The following ADAM12 variants were observed in gnomAD, a reference collection of about 807,000 sequenced individuals.
ADAM12 encodes disintegrin and metalloproteinase domain-containing protein 12.
In ADAM12, 70 loss-of-function variants were observed where a neutral mutation model predicts 106.4. The observed-to-expected ratio is 0.66, with a 90% confidence interval of 0.54 to 0.80. ADAM12 has a LOEUF of 0.80. Among genes scored for constraint, ADAM12 ranks in the 30% least tolerant of loss-of-function variants. The pLI is 0.00. For missense variants in ADAM12, 1,010 were observed against 1,171.9 expected (o/e 0.86, Z 2.02); for synonymous variants, 420 against 433.5 (o/e 0.97, Z 0.39).
At chr10:126,099,803 C>T (rs1437628655) in intron 9 of ADAM12, among the ~76,000 whole-genome samples, 1 of 152,174 alleles carries the variant, frequency 6.6e-6, no homozygotes, top group Non-Finnish European at 1.5e-5. Flanking sequence ...TAACTTTCCA[C>T]AAATGTTCAA....
chr10:126,286,565 G>A (rs1353652010), intron 2 of ADAM12, among the ~76,000 whole-genome samples: 2 of 152,170 alleles, frequency 1.3e-5, no homozygotes, highest in Non-Finnish European at 2.9e-5. Flanking sequence ...GGGGCACGAG[G>A]GAGTCATTTA....
intron 4 of ADAM12, among the ~76,000 whole-genome samples, chr10:126,154,714 C>G (rs1167792604): frequency 6.6e-6 from 1 of 152,162 alleles, no homozygotes; most frequent in East Asian, 1.9e-4. Context: ...GTCCAGGACA[C>G]AGCTAAAAGT....
rs140998903 is a variant in ADAM12, at chr10:126,280,991, T to G, written c.187-2003A>C. On this transcript the variant is annotated intron_variant, in intron 2 of 22. Coordinates refer to ENST00000448723, the MANE Select transcript of ADAM12 (RefSeq NM_001288973.2). ...CACCATTTCTTTGTAGTGTAGTGTG[T>G]CAAAGTGTTCTTATGCCCTTACAGG... Among the ~76,000 whole-genome samples the G allele has an allele frequency of 4.9e-3, 743 of 152,298 alleles. 4 individuals carry two copies. Among genetic ancestry groups the G allele is most frequent in the South Asian group, 0.016 (75 of 4,820 alleles).
intron 3 of ADAM12, among the ~76,000 whole-genome samples, chr10:126,184,013 T>C (rs906835442): frequency 5.3e-5 from 8 of 152,242 alleles, no homozygotes; most frequent in Admixed American, 3.9e-4. Flanking sequence ...CTTGATTTTC[T>C]TCAAAAAAGT....
intron 12 of ADAM12, among the ~76,000 whole-genome samples, chr10:126,069,949 C>T (rs926279370): frequency 6.6e-6 from 1 of 151,974 alleles, no homozygotes; most frequent in African/African-American, 2.4e-5. Flanking sequence ...TGACTGCTAA[C>T]GAAATCATTC....
At chr10:126,241,120 AG>A (rs1332345343) in intron 3 of ADAM12, among the ~76,000 whole-genome samples, 3 of 152,236 alleles carry the variant, frequency 2.0e-5, no homozygotes, top group Non-Finnish European at 4.4e-5. Flanking sequence ...AGCTGACACA[AG>A]GGGACATGTA....
At chr10:126,247,285 A>G (rs1364352071) in intron 3 of ADAM12, among the ~76,000 whole-genome samples, 1 of 152,220 alleles carries the variant, frequency 6.6e-6, no homozygotes, top group Non-Finnish European at 1.5e-5. Flanking sequence ...AGAGTCTGAA[A>G]ATATCACTGC....
At position 126,316,268 on chromosome 10, in the gene ADAM12, T is replaced by G. The variant is rs150219584; in HGVS notation, c.186+14144A>C. Among the ~76,000 whole-genome samples, 1,073 of 152,312 alleles carry G rather than the reference T, an allele frequency of 7.0e-3. 15 individuals are homozygous for G. Among genetic ancestry groups the G allele is most frequent in the African/African-American group, 0.024 (1,010 of 41,570 alleles). On this transcript the variant is annotated intron_variant, in intron 2 of 22. Coordinates refer to ENST00000448723, the MANE Select transcript of ADAM12 (RefSeq NM_001288973.2). ...TATCTCTATCACTTAGCACAGGGCC[T>G]GGCACATAAAGGATTCTCAATAAAT...
intron 6 of ADAM12, among the ~76,000 whole-genome samples, chr10:126,110,364 A>G (rs1955847688): frequency 6.6e-6 from 1 of 152,202 alleles, no homozygotes; most frequent in Admixed American, 6.5e-5. Context: ...GGAACTGTAT[A>G]ATCATTTTTT....
At chr10:126,274,562 ATCT>A (rs1270779569) in intron 3 of ADAM12, among the ~76,000 whole-genome samples, 2 of 152,336 alleles carry the variant, frequency 1.3e-5, no homozygotes, top group Admixed American at 6.5e-5. Context: ...AACTGCTGAA[ATCT>A]TCATAATCCA....
At chr10:126,375,244 C>G (rs1405428366) in intron 1 of ADAM12, among the ~76,000 whole-genome samples, 3 of 145,898 alleles carry the variant, frequency 2.1e-5, no homozygotes, top group Non-Finnish European at 3.0e-5. Flanking sequence ...TTGCAAGAAG[C>G]CATGGTTAAA....
In ADAM12 at chr10:126,045,978, A is replaced by G. The variant is rs1167469560; in HGVS notation, c.1995+77T>C. 2.2e-6 allele frequency: 3 copies of G among 1,365,858 alleles called. No homozygotes were observed. In the East Asian group the frequency reaches 6.9e-5, roughly 32 times the overall value. 84.6% of individuals were successfully genotyped at this position (1,365,858 alleles called of 1,614,324 possible). A position where few individuals can be genotyped will look rare whatever the true frequency, so the allele number is the denominator to read the frequency against. On this transcript the variant is annotated intron_variant, in intron 17 of 22. Transcript: ENST00000448723. Reference sequence around the variant, plus strand: ...CTATTTAAAAAATGCTATGGATTGCAAAACCTTTTACAAATGAATGTATTA... The same window carrying G: ...CTATTTAAAAAATGCTATGGATTGCGAAACCTTTTACAAATGAATGTATTA...
At chr10:126,204,553 G>T (rs758931803) in intron 3 of ADAM12, among the ~76,000 whole-genome samples, 16 of 152,208 alleles carry the variant, frequency 1.1e-4, no homozygotes, top group Non-Finnish European at 2.2e-4. Context: ...TTTCTTCAGG[G>T]CATTTTCCTC....
intron 2 of ADAM12, among the ~76,000 whole-genome samples, chr10:126,307,549 T>TC (rs1376250251): frequency 2.4e-4 from 37 of 152,066 alleles, no homozygotes; most frequent in Middle Eastern, 3.4e-3. Flanking sequence ...TCTTTTCTTT[T>TC]TTTTGAAACA....
intron 3 of ADAM12, among the ~76,000 whole-genome samples, chr10:126,168,059 A>G (rs1172309355): frequency 3.9e-5 from 6 of 152,180 alleles, no homozygotes; most frequent in Non-Finnish European, 8.8e-5. Context: ...TTCTTGGTTG[A>G]TTATTTTAAG....
chr10:126,036,221 G>A lies in ADAM12; in HGVS notation c.2454C>T (p.Pro818=). The A allele has an allele frequency of 6.4e-7, 1 of 1,551,942 alleles. No homozygotes were observed. Among genetic ancestry groups the A allele is most frequent in the South Asian group, 1.2e-5 (1 of 82,140 alleles). The change falls in exon 21 of 23, where the codon CCC becomes CCT. Residue 818 remains proline, a synonymous_variant. Transcript: ENST00000448723. The part of the protein sequence containing the change: ...QPQSTQRVLP[P]LHRAPRAPSV... ...TAGGTGCACGTGGAGCCCGGTGGAG[G>A]GGAGGAAGCACTCGCTGAGTTGACT...
At chr10:126,121,618 T>G (rs1956117845) in intron 5 of ADAM12, among the ~76,000 whole-genome samples, 1 of 150,356 alleles carries the variant, frequency 6.7e-6, no homozygotes, top group South Asian at 2.1e-4. Context: ...ACATCAATCC[T>G]CGAGGAATAG....
At chr10:126,369,696 C>T (rs1044297344) in intron 1 of ADAM12, among the ~76,000 whole-genome samples, 2 of 152,178 alleles carry the variant, frequency 1.3e-5, no homozygotes, top group African/African-American at 4.8e-5. Context: ...GTGGACACCT[C>T]TGAAAACAGA....
intron 3 of ADAM12, among the ~76,000 whole-genome samples, chr10:126,258,408 TGCCCCACAC>T (rs1958935344): frequency 1.3e-5 from 2 of 151,628 alleles, no homozygotes; most frequent in Admixed American, 1.3e-4. Flanking sequence ...GCCCCACCCG[TGCCCCACAC>T]GCCCCACCAG....
Sources: allele counts gnomAD v4.1 joint callset (sites outside exome capture counted in the v4.1 genomes callset), GRCh38; gene constraint gnomAD v4.1.1; transcripts MANE v1.5; gene names NCBI Gene and HGNC (gene_info 2026-07-23, HGNC 2026-07-21).